GSK3B: variants seen among roughly 807,000 people sequenced by gnomAD.
GSK3B encodes the protein glycogen synthase kinase 3 beta.
A neutral mutation model predicts 56.4 loss-of-function variants in GSK3B; 15 were observed. That is an observed-to-expected ratio of 0.27 (90% CI 0.18 to 0.41). GSK3B has a LOEUF of 0.41. Among genes scored for constraint, GSK3B ranks in the 10% least tolerant of loss-of-function variants. The pLI, the probability that GSK3B is intolerant of heterozygous loss-of-function variation, is 1.00. For synonymous variants in GSK3B, 181 were observed against 188.9 expected, an observed-to-expected ratio of 0.96 and a Z score of 0.34; for missense variants, 300 against 513.4, an observed-to-expected ratio of 0.58 and a Z score of 4.02.
At chr3:120,077,595 T>C (rs971978724) in intron 1 of GSK3B, among the ~76,000 whole-genome samples, 3 of 151,852 alleles carry the variant, frequency 2.0e-5, no homozygotes, top group South Asian at 2.1e-4. Flanking sequence ...TTAATAATAG[T>C]GTATTGTATC....
chr3:119,821,893 CAAA>C lies in GSK3B; in HGVS notation c.*4892_*4894del, dbSNP rs10610184. ...GTGATGTGACTACATATTGCAGCGG[CAAA>C]ATAGTAGGGTGAAGGAAGAGGGTTG... On this transcript the variant is annotated 3_prime_UTR_variant, in exon 11 of 11. Coordinates refer to ENST00000264235, the MANE Select transcript of GSK3B (RefSeq NM_001146156.2). 5.7e-3 allele frequency: 995 copies of C among 174,860 alleles called. 10 individuals are homozygous for C. The highest frequency in any genetic ancestry group is 0.02 in the African/African-American group (843 of 42,282). The allele number at this position is 174,860 out of a possible 1,614,324, so 10.8% of individuals were successfully genotyped here.
chr3:119,953,734 T>A (rs1317124910), intron 2 of GSK3B, among the ~76,000 whole-genome samples: 2 of 152,166 alleles, frequency 1.3e-5, no homozygotes, highest in African/African-American at 4.8e-5. Flanking sequence ...CCCAATTCTA[T>A]TACATTTACC....
chr3:120,048,049 C>T (rs566369594), intron 1 of GSK3B, among the ~76,000 whole-genome samples: 15 of 152,306 alleles, frequency 9.8e-5, no homozygotes, highest in African/African-American at 3.1e-4. Context: ...ATATGAACTA[C>T]GTATCTTCAC....
chr3:120,074,052 C>A (rs924080406), intron 1 of GSK3B, among the ~76,000 whole-genome samples: 1 of 152,132 alleles, frequency 6.6e-6, no homozygotes, highest in Non-Finnish European at 1.5e-5. Flanking sequence ...CGACTGTAAT[C>A]CCAGCACTAT....
At chr3:119,879,185 T>C (rs2056350531) in intron 7 of GSK3B, among the ~76,000 whole-genome samples, 1 of 152,170 alleles carries the variant, frequency 6.6e-6, no homozygotes, top group South Asian at 2.1e-4. Context: ...TGTTTATTTA[T>C]ATTTATTTAT....
Position 119,821,381 on chromosome 3 carries a change from AT to A in GSK3B, c.*5406del, listed in dbSNP as rs1219171824. 1.3e-5 allele frequency: 2 copies of A among 152,232 alleles called. No individual in the cohort carries two copies. Among genetic ancestry groups the A allele is most frequent in the African/African-American group, 2.4e-5 (1 of 41,460 alleles). The allele number at this position is 152,232 out of a possible 1,614,324, so 9.4% of individuals were successfully genotyped here. A position where few individuals can be genotyped will look rare whatever the true frequency, so the allele number is the denominator to read the frequency against. On this transcript the variant is annotated 3_prime_UTR_variant, in exon 11 of 11. Transcript: ENST00000264235. ...ACATGACCTTATATCTAGCCTTTAG[AT>A]TAGGCCTGACAGAGTGAGCCAGCCC...
chr3:119,884,371 C>A (rs924350623), intron 7 of GSK3B, among the ~76,000 whole-genome samples: 1 of 152,102 alleles, frequency 6.6e-6, no homozygotes, highest in Non-Finnish European at 1.5e-5. Flanking sequence ...ATTAAGTTTT[C>A]CTTTCAAAGT....
intron 9 of GSK3B, among the ~76,000 whole-genome samples, chr3:119,861,808 T>C (rs955970569): frequency 2.0e-5 from 3 of 152,186 alleles, no homozygotes; most frequent in African/African-American, 7.2e-5. Context: ...CTGTAACGTC[T>C]GCACAAGGAT....
rs1331033844 is a variant in GSK3B at position 119,824,304 on chromosome 3, TGAGA to T, written c.*2480_*2483del. The T allele has an allele frequency of 4.0e-5, 9 of 222,810 alleles. 1 individual carries two copies. The highest frequency in any genetic ancestry group is 3.8e-4 in the East Asian group (6 of 15,606). 13.8% of individuals were successfully genotyped at this position (222,810 alleles called of 1,614,324 possible). On this transcript the variant is annotated 3_prime_UTR_variant, in exon 11 of 11. Coordinates refer to ENST00000264235, the MANE Select transcript of GSK3B (RefSeq NM_001146156.2). Reference sequence around the variant, plus strand: ...AGTTCTGTGATCCCACCATGATCCTTGAGAAAGAAAAATCACACATCTCAGCACA... The same window carrying T: ...AGTTCTGTGATCCCACCATGATCCTTAAGAAAAATCACACATCTCAGCACA...
Position 119,947,255 on chromosome 3 carries a change from GT to G in GSK3B, c.366+12del, listed in dbSNP as rs2057109789. 7.2e-7 allele frequency: 1 copy of G among 1,389,342 alleles called. No homozygotes were observed. The highest frequency in any genetic ancestry group is 1.2e-5 in the South Asian group (1 of 86,466). The allele number at this position is 1,389,342 out of a possible 1,614,324, so 86.1% of individuals were successfully genotyped here. The stretch of plus-strand genomic sequence containing the variant: ...TATCACAATATTCAGTACACACTTT[GT>G]GTCAAACCTACCTTCTCACCACTGG... On this transcript the variant is annotated intron_variant, in intron 3 of 10. Transcript: ENST00000264235.
At chr3:119,944,519 T>C (rs1270455449) in intron 3 of GSK3B, among the ~76,000 whole-genome samples, 4 of 152,194 alleles carry the variant, frequency 2.6e-5, no homozygotes, top group South Asian at 2.1e-4. Context: ...GGTCACCTCC[T>C]GACAAATTCT....
At chr3:119,952,425 T>A (rs1312319357) in intron 2 of GSK3B, among the ~76,000 whole-genome samples, 1 of 149,074 alleles carries the variant, frequency 6.7e-6, no homozygotes, top group South Asian at 2.1e-4. Context: ...GAGGCAGAGG[T>A]TGCAGTGAGT....
intron 10 of GSK3B, among the ~76,000 whole-genome samples, chr3:119,831,423 C>T (rs555921041): frequency 2.6e-4 from 40 of 151,922 alleles, no homozygotes; most frequent in Non-Finnish European, 4.6e-4. Flanking sequence ...TTTGGGAGGC[C>T]GAGGTGGGCG....
chr3:120,060,335 T>A (rs374779369), intron 1 of GSK3B, among the ~76,000 whole-genome samples: 3 of 152,238 alleles, frequency 2.0e-5, no homozygotes, highest in South Asian at 4.1e-4. Context: ...AAGACGATAC[T>A]ACATTAAACT....
chr3:119,976,763 C>T (rs1576242357), intron 2 of GSK3B, among the ~76,000 whole-genome samples: 1 of 108,514 alleles, frequency 9.2e-6, no homozygotes, highest in African/African-American at 4.6e-5. Flanking sequence ...GACCACTCCC[C>T]ACAAAAAAAA....
intron 1 of GSK3B, among the ~76,000 whole-genome samples, chr3:120,083,430 T>C (rs905944380): frequency 3.9e-5 from 6 of 151,978 alleles, no homozygotes; most frequent in African/African-American, 1.5e-4. Flanking sequence ...AGGAGGCAGG[T>C]AGAAATCCAG....
intron 1 of GSK3B, among the ~76,000 whole-genome samples, chr3:120,011,977 TCCCCTTA>T (rs2057782395): frequency 4.6e-5 from 7 of 151,974 alleles, no homozygotes; most frequent in Non-Finnish European, 7.4e-5. Context: ...TTTCTCCATT[TCCCCTTA>T]AAAAAAGAAG....
intron 1 of GSK3B, chr3:120,084,733 C>T (rs995471491): frequency 6.6e-6 from 1 of 152,130 alleles, no homozygotes; most frequent in East Asian, 1.9e-4. Context: ...TTTAAATGTG[C>T]TATTAATTGT....
At chr3:120,018,385 C>T (rs999745474) in intron 1 of GSK3B, among the ~76,000 whole-genome samples, 11 of 152,222 alleles carry the variant, frequency 7.2e-5, no homozygotes, top group African/African-American at 2.2e-4. Context: ...TTTCCACATA[C>T]GGTGGTTCCA....
Sources: allele counts gnomAD v4.1 joint callset (sites outside exome capture counted in the v4.1 genomes callset), GRCh38; gene constraint gnomAD v4.1.1; transcripts MANE v1.5; gene names NCBI Gene and HGNC (gene_info 2026-07-23, HGNC 2026-07-21).